The following TRPC5 variants were observed in gnomAD, a reference collection of about 807,000 sequenced individuals.
TRPC5 encodes the protein short transient receptor potential channel 5.
Under a neutral mutation model 56.5 loss-of-function variants are expected in TRPC5, and 9 were observed. The ratio of observed to expected loss-of-function variants is 0.16; its 90% CI spans 0.10 to 0.28. TRPC5 has a LOEUF of 0.28. Among genes scored for constraint, TRPC5 ranks in the 10% least tolerant of loss-of-function variants. The pLI is 1.00. For missense variants in TRPC5, 469 were observed against 748.9 expected (o/e 0.63, Z 4.36); for synonymous variants, 282 against 278.5 (o/e 1.01, Z -0.13).
At chrX:111,927,448 G>A (rs1236069358) in intron 2 of TRPC5, among the ~76,000 whole-genome samples, 1 of 112,252 alleles carries the variant, frequency 8.9e-6, no homozygotes, top group African/African-American at 3.2e-5. Context: ...CTGCACTGCT[G>A]AGCTATTGCC....
intron 1 of TRPC5, among the ~76,000 whole-genome samples, chrX:112,063,639 G>A (rs1384326626): frequency 3.6e-5 from 4 of 111,851 alleles, no homozygotes; most frequent in Non-Finnish European, 5.6e-5. Context: ...TCCTCACAGG[G>A]GACTGGGTTC....
chrX:111,782,968 C>G (rs1945932870), intron 7 of TRPC5, among the ~76,000 whole-genome samples: 1 of 111,562 alleles, frequency 9.0e-6, no homozygotes, highest in Non-Finnish European at 1.9e-5. Context: ...GTCAAACTCT[C>G]CCAACCTCTA....
At chrX:111,910,487 C>T (rs949367123) in intron 3 of TRPC5, among the ~76,000 whole-genome samples, 1 of 111,869 alleles carries the variant, frequency 8.9e-6, no homozygotes, top group African/African-American at 3.2e-5. Context: ...CCATATACCA[C>T]GAGTCCTCCA....
At chrX:111,843,570 G>C (rs1231362121) in intron 6 of TRPC5, among the ~76,000 whole-genome samples, 4 of 111,422 alleles carry the variant, frequency 3.6e-5, no homozygotes, top group African/African-American at 1.3e-4. Flanking sequence ...CCTGTAGTTG[G>C]AGAACAGCAA....
intron 1 of TRPC5, among the ~76,000 whole-genome samples, chrX:111,991,207 C>A (rs937143357): frequency 1.9e-5 from 2 of 107,736 alleles, no homozygotes; most frequent in African/African-American, 7.2e-5. Context: ...CTCATTCCTG[C>A]CGGTACCACA....
chrX:111,838,712 A>G (rs1325318930), intron 6 of TRPC5, among the ~76,000 whole-genome samples: 2 of 111,974 alleles, frequency 1.8e-5, no homozygotes, highest in African/African-American at 6.5e-5. Flanking sequence ...TGCACAGAAG[A>G]CAAATCCATA....
intron 6 of TRPC5, among the ~76,000 whole-genome samples, chrX:111,842,308 T>C (rs1195116101): frequency 9.4e-6 from 1 of 106,567 alleles, no homozygotes; most frequent in Non-Finnish European, 1.9e-5. Flanking sequence ...TGGCTGATTT[T>C]TGTATTTTTA....
intron 3 of TRPC5, among the ~76,000 whole-genome samples, chrX:111,860,026 G>C (rs773562070): frequency 1.3e-4 from 15 of 112,339 alleles, no homozygotes; most frequent in African/African-American, 4.5e-4. Context: ...CTCCTGCCTC[G>C]GCCTCCCGAG....
chrX:111,837,008 T>G (rs1236843469), intron 6 of TRPC5, among the ~76,000 whole-genome samples: 1 of 112,761 alleles, frequency 8.9e-6, no homozygotes. Flanking sequence ...TCTCTGATTA[T>G]CATAGATAAA....
intron 1 of TRPC5, among the ~76,000 whole-genome samples, chrX:111,995,670 A>AGAG (rs1928506027): frequency 9.0e-6 from 1 of 111,516 alleles, no homozygotes; most frequent in Non-Finnish European, 1.9e-5. Context: ...TCAGAGATTC[A>AGAG]ACTTCTTCCT....
intron 1 of TRPC5, among the ~76,000 whole-genome samples, chrX:111,986,120 TTCCTC>T (rs201753655): frequency 0.048 from 5,371 of 111,373 alleles, 130 homozygotes; most frequent in Non-Finnish European, 0.071. Context: ...TTTTGAATCT[TTCCTC>T]TACATTAAAC....
At chrX:111,912,902 T>C in intron 2 of TRPC5, 90 bp from the exon 3 acceptor site, 1 of 955,697 alleles carries the variant, frequency 1.0e-6, no homozygotes, top group Non-Finnish European at 1.4e-6. Flanking sequence ...GATTCAGGAA[T>C]TAGAGTCTCC....
intron 1 of TRPC5, among the ~76,000 whole-genome samples, chrX:111,958,737 TGAAA>T (rs1459443584): frequency 1.8e-5 from 2 of 111,421 alleles, no homozygotes; most frequent in Non-Finnish European, 3.8e-5. Flanking sequence ...AAGGAAAAAC[TGAAA>T]GAAATTCCCA....
chrX:111,961,880 A>T lies in TRPC5; in HGVS notation c.-21-9439T>A, dbSNP rs973791297. 6.2e-5 allele frequency among the ~76,000 whole-genome samples: 7 copies of T among 112,125 alleles called. No homozygotes were observed. The East Asian group carries it at 1.7e-3, about 27-fold the overall frequency. Reference sequence around the variant, plus strand: ...AAACAATCAACAGTTGACTGGATTTAAAAAAATGTGGAATAGTATGTAGAC... The same window carrying T: ...AAACAATCAACAGTTGACTGGATTTTAAAAAATGTGGAATAGTATGTAGAC... On this transcript the variant is annotated intron_variant, in intron 1 of 10. Transcript: ENST00000262839.
At chrX:111,949,921 A>G (rs1927030351) in intron 2 of TRPC5, among the ~76,000 whole-genome samples, 1 of 112,014 alleles carries the variant, frequency 8.9e-6, no homozygotes, top group Admixed American at 9.5e-5. Context: ...ACAATTCACA[A>G]TTGCAAAAAC....
chrX:111,782,194 A>C, intron 7 of TRPC5, 56 bp from the exon 8 acceptor site: 1 of 1,056,787 alleles, frequency 9.5e-7, no homozygotes, highest in Non-Finnish European at 1.3e-6. Context: ...CGATGTACTC[A>C]CTTCTTATTC....
chrX:112,014,470 G>A (rs974568629), intron 1 of TRPC5, among the ~76,000 whole-genome samples: 1 of 112,039 alleles, frequency 8.9e-6, no homozygotes, highest in Non-Finnish European at 1.9e-5. Flanking sequence ...TTTTTTGTTC[G>A]TTTATTCCTT....
At chrX:111,864,397 A>G (rs762128928) in intron 3 of TRPC5, among the ~76,000 whole-genome samples, 1 of 112,525 alleles carries the variant, frequency 8.9e-6, no homozygotes, top group Admixed American at 9.4e-5. Context: ...ATATTAAACA[A>G]CTGTTGCTGA....
intron 2 of TRPC5, among the ~76,000 whole-genome samples, chrX:111,925,393 A>G (rs1477534289): frequency 5.3e-5 from 6 of 112,221 alleles, no homozygotes; most frequent in Non-Finnish European, 1.1e-4. Flanking sequence ...CTATAAGTAG[A>G]CTGTTATAGT....
Sources: allele counts gnomAD v4.1 joint callset (sites outside exome capture counted in the v4.1 genomes callset), GRCh38; gene constraint gnomAD v4.1.1; transcripts MANE v1.5; gene names NCBI Gene and HGNC (gene_info 2026-07-23, HGNC 2026-07-21).